The following STON1 variants were observed in gnomAD, a reference collection of about 807,000 sequenced individuals.
The protein encoded by STON1 is stonin 1, also known as stonin-1.
In STON1, 79 loss-of-function variants were observed where a neutral mutation model predicts 60.9. The observed-to-expected ratio is 1.30, with a 90% CI of 1.08 to 1.56. STON1 has a LOEUF of 1.56. Among genes scored for constraint, STON1 ranks in the 40% most tolerant of loss-of-function variants. The pLI, the probability that STON1 is intolerant of heterozygous loss-of-function variation, is 0.00. For missense variants in STON1, 1,166 were observed against 858.9 expected, an observed-to-expected ratio of 1.36 and a Z score of -4.47; for synonymous variants, 363 against 306.9, an observed-to-expected ratio of 1.18 and a Z score of -1.91.
chr2:48,575,163 G>T (rs1403655717), intron 1 of STON1, among the ~76,000 whole-genome samples: 1 of 152,168 alleles, frequency 6.6e-6, no homozygotes, highest in East Asian at 1.9e-4. Context: ...TGTGCTGAAG[G>T]TTAATCTATG....
intron 1 of STON1, among the ~76,000 whole-genome samples, chr2:48,543,151 T>A (rs905711226): frequency 6.6e-6 from 1 of 151,952 alleles, no homozygotes; most frequent in Non-Finnish European, 1.5e-5. Flanking sequence ...ATTTTTGTAT[T>A]TCTAGTAGAG....
At chr2:48,564,480 T>TTCTTCTTCTTCTTCCTTC (rs1558604783) in intron 1 of STON1, among the ~76,000 whole-genome samples, 1 of 32,480 alleles carries the variant, frequency 3.1e-5, no homozygotes, top group African/African-American at 1.2e-4. Context: ...CTTCTTCTTC[T>TTCTTCTTCTTCTTCCTTC]TTCTTCTTCT....
chr2:48,530,428 T>C, intron 1 of STON1: 1 of 220,522 alleles, frequency 4.5e-6, no homozygotes. Flanking sequence ...CGGCAGGGAC[T>C]CCTCGGCTCC....
chr2:48,535,426 C>T (rs960532341), intron 1 of STON1, among the ~76,000 whole-genome samples: 1 of 152,136 alleles, frequency 6.6e-6, no homozygotes, highest in Non-Finnish European at 1.5e-5. Context: ...ACTACCATGT[C>T]CCCTCACAGG....
In STON1 at chr2:48,581,900, T is replaced by C; in HGVS notation, c.1267T>C (p.Phe423Leu). The C allele has an allele frequency of 1.2e-6, 2 of 1,613,994 alleles. No homozygotes were observed. Among genetic ancestry groups the C allele is most frequent in the Non-Finnish European group, 1.7e-6 (2 of 1,180,004 alleles). The change falls in exon 2 of 4, where the codon TTT becomes CTT. Residue 423 changes from phenylalanine (F) to leucine (L), a missense_variant. Transcript: ENST00000404752. The part of the protein sequence containing the change: ...QEISLEIVDN[F>L]WGKVTKEGKF... The stretch of plus-strand genomic sequence containing the variant: ...AATTTCCTTGGAAATTGTGGACAAC[T>C]TTTGGGGTAAAGTCACAAAAGAAGG...
At chr2:48,564,458 CTTCTTCTTCTTCTTCTTCTTCTTTCTT>C in intron 1 of STON1, among the ~76,000 whole-genome samples, 1 of 54,334 alleles carries the variant, frequency 1.8e-5, no homozygotes, top group African/African-American at 6.9e-5. Context: ...TCTTCTTCTT[CTTCTTCTTCTTCTTCTTCTTCTTTCTT>C]CTTCTTCTTC....
chr2:48,582,366 G>A lies in STON1; in HGVS notation c.1733G>A (p.Trp578Ter), dbSNP rs865851204. 1 of 1,614,124 alleles carries A rather than the reference G, an allele frequency of 6.2e-7. No individual in the cohort carries two copies. The highest frequency in any genetic ancestry group is 8.5e-7 in the Non-Finnish European group (1 of 1,180,026). The change falls in exon 2 of 4, where the codon TGG (tryptophan) becomes TAG (stop). Residue 578 changes from tryptophan to a stop codon, truncating the protein, a stop_gained. Coordinates refer to ENST00000404752, the MANE Select transcript of STON1 (RefSeq NM_006873.4). LOFTEE classifies it high-confidence loss of function. ...IRIHFPVPSQ[W>*]IKALWTMNLQ... is the part of the protein sequence containing the mutation. Reference sequence around the variant, plus strand: ...ATACACTTTCCTGTCCCATCGCAGTGGATCAAGGCCCTTTGGACCATGAAC... The same window carrying A: ...ATACACTTTCCTGTCCCATCGCAGTAGATCAAGGCCCTTTGGACCATGAAC...
At position 48,580,888 on chromosome 2, in the gene STON1, C is replaced by G; in HGVS notation, c.255C>G (p.Thr85=). The stretch of plus-strand genomic sequence containing the variant: ...GTAACTCTCCTCTTTCTACACCTAC[C>G]AAAGACTTCCCAGGTTTTCCTGGCA... ...PPSNSPLSTP[T]KDFPGFPGIP... is the part of the protein sequence containing the mutation. Residue 85 remains threonine, a synonymous_variant, in exon 2 of 4, where the codon ACC becomes ACG. Transcript: ENST00000404752. 4 of 1,590,116 alleles carry G rather than the reference C, an allele frequency of 2.5e-6. No homozygotes were observed. Among genetic ancestry groups the G allele is most frequent in the Non-Finnish European group, 3.4e-6 (4 of 1,170,312 alleles).
At chr2:48,564,287 C>T (rs574987002) in intron 1 of STON1, among the ~76,000 whole-genome samples, 15 of 152,054 alleles carry the variant, frequency 9.9e-5, no homozygotes, top group Non-Finnish European at 2.2e-4. Flanking sequence ...AGGCTGAGGT[C>T]TAAGATCAGG....
chr2:48,544,479 C>T (rs1268324454), intron 1 of STON1, among the ~76,000 whole-genome samples: 2 of 152,044 alleles, frequency 1.3e-5, no homozygotes, highest in African/African-American at 2.4e-5. Flanking sequence ...CTTATGGTAA[C>T]TCATATTCAG....
At chr2:48,533,448 G>C (rs1671295817) in intron 1 of STON1, among the ~76,000 whole-genome samples, 2 of 151,732 alleles carry the variant, frequency 1.3e-5, no homozygotes, top group South Asian at 4.2e-4. Flanking sequence ...CAACATTTTG[G>C]GAGGCCACGG....
intron 1 of STON1, among the ~76,000 whole-genome samples, chr2:48,532,682 C>T (rs1239845117): frequency 2.6e-5 from 4 of 152,128 alleles, no homozygotes; most frequent in African/African-American, 7.2e-5. Context: ...TGGTTTGCCA[C>T]GGGTACAAGA....
intron 1 of STON1, among the ~76,000 whole-genome samples, chr2:48,564,480 T>TTTCTTCTTCTTCTTCTTC (rs869188236): frequency 2.5e-4 from 8 of 32,492 alleles, no homozygotes; most frequent in Admixed American, 2.9e-4. Flanking sequence ...CTTCTTCTTC[T>TTTCTTCTTCTTCTTCTTC]TTCTTCTTCT....
At chr2:48,532,079 G>T (rs1377757857) in intron 1 of STON1, among the ~76,000 whole-genome samples, 1 of 151,846 alleles carries the variant, frequency 6.6e-6, no homozygotes, top group Non-Finnish European at 1.5e-5. Flanking sequence ...CAGGGCACGG[G>T]GTTCATGCCT....
intron 1 of STON1, among the ~76,000 whole-genome samples, chr2:48,553,759 A>G (rs906471364): frequency 6.6e-6 from 1 of 152,160 alleles, no homozygotes; most frequent in Admixed American, 6.5e-5. Context: ...AAGTGCTGGG[A>G]TTACAGGCGT....
Position 48,595,562 on chromosome 2 carries a change from C to G in STON1, c.*260C>G. The stretch of plus-strand genomic sequence containing the variant: ...TTTGCTTCCTATTGAAACTCAAAGG[C>G]ACTGTTACTCGTTGTGTGACCCCGC... On this transcript the variant is annotated 3_prime_UTR_variant, in exon 4 of 4. Coordinates refer to ENST00000404752, the MANE Select transcript of STON1 (RefSeq NM_006873.4). The G allele has an allele frequency of 2.3e-6, 1 of 426,082 alleles. No homozygotes were observed. The highest frequency in any genetic ancestry group is 4.2e-6 in the Non-Finnish European group (1 of 235,746). 26.4% of individuals were successfully genotyped at this position (426,082 alleles called of 1,614,324 possible).
intron 1 of STON1, among the ~76,000 whole-genome samples, chr2:48,566,836 G>C (rs1420155547): frequency 6.6e-6 from 1 of 152,230 alleles, no homozygotes; most frequent in East Asian, 1.9e-4. Context: ...GGCTGGTGTT[G>C]TGGTGGTGTG....
Position 48,559,222 on chromosome 2 carries a change from T to C in STON1, c.-47-21365T>C, listed in dbSNP as rs545103914. On this transcript the variant is annotated intron_variant, in intron 1 of 3. Transcript: ENST00000404752. ...CTTTATTTAGTATGTGCAAGAATCA[T>C]TTAACATAACTGTCTTACTCCCTTG... Among the ~76,000 whole-genome samples, 177 of 152,316 alleles carry C rather than the reference T, an allele frequency of 1.2e-3. 8 individuals carry two copies. The South Asian group carries it at 0.035, about 30-fold the overall frequency.
At chr2:48,580,109 T>A (rs1390292766) in intron 1 of STON1, among the ~76,000 whole-genome samples, 1 of 152,158 alleles carries the variant, frequency 6.6e-6, no homozygotes, top group East Asian at 1.9e-4. Context: ...GGTTTTGCTA[T>A]GTTGGCCAGA....
Sources: gnomAD v4.1 joint callset for allele counts (sites outside exome capture counted in the v4.1 genomes callset) on GRCh38, gnomAD v4.1.1 for gene constraint, MANE v1.5 for transcripts, NCBI Gene and HGNC (gene_info 2026-07-23, HGNC 2026-07-21) for gene names.